ZNF236: variants seen among roughly 807,000 people sequenced by gnomAD.
ZNF236 encodes the protein zinc finger protein 236, also known as regulated by glucose.
ZNF236 carries 50 observed loss-of-function variants against 191.2 expected under a neutral mutation model. That is an observed-to-expected ratio of 0.26 (90% CI 0.21 to 0.33). The LOEUF (loss-of-function observed/expected upper bound fraction) is 0.33, where lower values mean the gene tolerates loss of function less well. ZNF236 is among the 10% of genes least tolerant of loss of function. ZNF236 has a pLI of 1.00. For missense variants in ZNF236, 1,754 were observed against 2,374.5 expected, an observed-to-expected ratio of 0.74 and a Z score of 5.43; for synonymous variants, 907 against 928.8, an observed-to-expected ratio of 0.98 and a Z score of 0.43.
At chr18:76,836,224 T>C (rs1179930965) in intron 1 of ZNF236, among the ~76,000 whole-genome samples, 3 of 151,976 alleles carry the variant, frequency 2.0e-5, no homozygotes, top group African/African-American at 7.3e-5. Flanking sequence ...CTTTATAATT[T>C]TTTTTTCTTT....
intron 9 of ZNF236, chr18:76,885,666 G>C (rs1225870935): frequency 1.7e-5 from 3 of 176,430 alleles, no homozygotes; most frequent in African/African-American, 7.2e-5. Context: ...TCGTAAAATG[G>C]GGATACCTGT....
At chr18:76,892,419 T>C (rs1977274928) in intron 9 of ZNF236, among the ~76,000 whole-genome samples, 1 of 151,922 alleles carries the variant, frequency 6.6e-6, no homozygotes, top group Admixed American at 6.5e-5. Flanking sequence ...AATATATTTT[T>C]CTATTAAGTT....
chr18:76,917,319 G>A (rs1163924878), intron 19 of ZNF236, among the ~76,000 whole-genome samples: 1 of 152,228 alleles, frequency 6.6e-6, no homozygotes, highest in African/African-American at 2.4e-5. Context: ...CATTTGGAGA[G>A]TGTTAATTTA....
At chr18:76,964,017 A>T (rs2122974813) in intron 30 of ZNF236, among the ~76,000 whole-genome samples, 2 of 152,276 alleles carry the variant, frequency 1.3e-5, no homozygotes, top group Admixed American at 1.3e-4. Flanking sequence ...TCAGAGAACC[A>T]GCTTTTTGTT....
chr18:76,927,300 G>C lies in ZNF236; in HGVS notation c.4197G>C (p.Gln1399His). The part of the protein sequence containing the change: ...TLQIDPSILQ[Q>H]TLQQGNLLAQ... ...AGATTGATCCAAGCATTCTGCAGCA[G>C]ACGCTACAGCAGGGCAACCTATTGG... Residue 1399 changes from glutamine to histidine, a missense_variant, in exon 24 of 31, where the codon CAG (glutamine) becomes CAC (histidine). Gln to His is a conservative substitution (Grantham distance 24). Around this residue, in one of 5 missense-constraint regions of ZNF236, gnomAD observed 606 missense variants for 761.5 expected, o/e 0.80. Transcript: ENST00000320610. The surrounding 1 kb of genome is among the most constrained non-coding windows in gnomAD (Gnocchi z 5.4). The C allele has an allele frequency of 1.2e-6, 2 of 1,614,164 alleles. No homozygotes were observed. The highest frequency in any genetic ancestry group is 2.2e-5 in the South Asian group (2 of 91,074).
intron 11 of ZNF236, among the ~76,000 whole-genome samples, chr18:76,902,388 G>A (rs1268942265): frequency 6.6e-6 from 1 of 152,172 alleles, no homozygotes; most frequent in South Asian, 2.1e-4. Flanking sequence ...AAAGTAGAAT[G>A]CTCATTGAGG....
chr18:76,959,250 A>G (rs1453529090), intron 28 of ZNF236, among the ~76,000 whole-genome samples: 1 of 152,222 alleles, frequency 6.6e-6, no homozygotes, highest in African/African-American at 2.4e-5. Context: ...GCAGGGCCTC[A>G]GGCCACAACC....
chr18:76,902,012 G>C (rs1050510576), intron 11 of ZNF236, among the ~76,000 whole-genome samples: 1 of 152,176 alleles, frequency 6.6e-6, no homozygotes, highest in Non-Finnish European at 1.5e-5. Flanking sequence ...TGAATCTTCA[G>C]TTGAGTTAGG....
chr18:76,908,953 ATGTGTGTGTCTGTGTGTGTGTGTGTGTG>A (rs1265477488), intron 14 of ZNF236, among the ~76,000 whole-genome samples: 164 of 117,314 alleles, frequency 1.4e-3, no homozygotes, highest in African/African-American at 5.3e-3. Flanking sequence ...GTGTGTGTGT[ATGTGTGTGTCTGTGTGTGTGTGTGTGTG>A]TGTGTGTGTG....
chr18:76,827,325 A>G (rs1975046738), intron 1 of ZNF236, among the ~76,000 whole-genome samples: 1 of 152,106 alleles, frequency 6.6e-6, no homozygotes, highest in Non-Finnish European at 1.5e-5. Context: ...AGATGGGACT[A>G]CAGGTGCATG....
At chr18:76,882,301 G>A (rs1004854216) in intron 9 of ZNF236, among the ~76,000 whole-genome samples, 17 of 152,292 alleles carry the variant, frequency 1.1e-4, no homozygotes, top group African/African-American at 4.1e-4. Context: ...TGGACTCTGA[G>A]GGGTGCTTTT....
rs568638749 is a variant in ZNF236, at chr18:76,933,686, T to C, written c.4595-3470T>C. Among the ~76,000 whole-genome samples, 232 of 152,370 alleles carry C rather than the reference T, an allele frequency of 1.5e-3. 2 individuals carry two copies. The highest frequency in any genetic ancestry group is 4.4e-3 in the South Asian group (21 of 4,826). ...ATTCTTAAATACAGGCTTAGTTTTA[T>C]GTGATCAAGTAAGTTGTCTTATGTT... On this transcript the variant is annotated intron_variant, in intron 25 of 30. Coordinates refer to ENST00000320610, the MANE Select transcript of ZNF236 (RefSeq NM_001306089.2).
rs759132009 is a variant in ZNF236, at chr18:76,910,857, G to A, written c.2805+46G>A. Reference sequence around the variant, plus strand: ...GCATACATGGCAGTATTTAGCAGGTGCTATGTTATTCTTCACTGTCATTAT... The same window carrying A: ...GCATACATGGCAGTATTTAGCAGGTACTATGTTATTCTTCACTGTCATTAT... On this transcript the variant is annotated intron_variant, in intron 16 of 30. Transcript: ENST00000320610. 6.3e-6 allele frequency: 10 copies of A among 1,595,522 alleles called. 1 individual carries two copies. In the Admixed American group the frequency reaches 1.6e-4, roughly 25 times the overall value.
chr18:76,861,233 T>C (rs1390837955), intron 3 of ZNF236, among the ~76,000 whole-genome samples: 1 of 152,212 alleles, frequency 6.6e-6, no homozygotes, highest in Non-Finnish European at 1.5e-5. Context: ...GGCTGGCGTA[T>C]GTGGTACAGA....
chr18:76,930,571 G>A (rs1427532709), intron 25 of ZNF236, among the ~76,000 whole-genome samples: 1 of 152,212 alleles, frequency 6.6e-6, no homozygotes, highest in African/African-American at 2.4e-5. Flanking sequence ...TAGTAGGAAT[G>A]TATTGCAGGC....
Position 76,960,922 on chromosome 18 carries a change from C to A in ZNF236, c.5419+67C>A. ...TGCGAGGCACCCTGTGTTTCGCATA[C>A]ATTGTTTCCTTTAGTTCACACAGTG... is the stretch of plus-strand genomic sequence containing the variant. On this transcript the variant is annotated intron_variant, in intron 30 of 30. Coordinates refer to ENST00000320610, the MANE Select transcript of ZNF236 (RefSeq NM_001306089.2). The surrounding 1 kb of genome is among the most constrained non-coding windows in gnomAD (Gnocchi z 4.4). 6.7e-7 allele frequency: 1 copy of A among 1,492,490 alleles called. No homozygotes were observed. The highest frequency in any genetic ancestry group is 9.0e-7 in the Non-Finnish European group (1 of 1,113,770). The allele number at this position is 1,492,490 out of a possible 1,614,324, so 92.5% of individuals were successfully genotyped here.
chr18:76,875,419 T>C lies in ZNF236; in HGVS notation c.668-73T>C, dbSNP rs1256415274. ...GAGGGATAGGTTTGGGTAACTTCAG[T>C]GTTGTTCTTTTCAATCCGTAAGATG... On this transcript the variant is annotated intron_variant, in intron 5 of 30. Coordinates refer to ENST00000320610, the MANE Select transcript of ZNF236 (RefSeq NM_001306089.2). This position sits in a 1 kb window ranked among gnomAD's most constrained non-coding sequence, Gnocchi z 4.3. 1 of 1,379,120 alleles carries C rather than the reference T, an allele frequency of 7.3e-7. No individual in the cohort carries two copies. Among genetic ancestry groups the C allele is most frequent in the African/African-American group, 1.5e-5 (1 of 67,930 alleles). The allele number at this position is 1,379,120 out of a possible 1,614,324, so 85.4% of individuals were successfully genotyped here.
intron 16 of ZNF236, 79 bp downstream of exon 16, chr18:76,910,890 T>G: frequency 1.3e-6 from 2 of 1,528,620 alleles, no homozygotes; most frequent in South Asian, 1.2e-5. Context: ...TATTAAAAAT[T>G]TCCTTAAGGG....
chr18:76,927,215 A>C lies in ZNF236; in HGVS notation c.4173+33A>C. 3 of 1,611,808 alleles carry C rather than the reference A, an allele frequency of 1.9e-6. No homozygotes were observed. The highest frequency in any genetic ancestry group is 2.5e-6 in the Non-Finnish European group (3 of 1,178,034). On this transcript the variant is annotated intron_variant, in intron 23 of 30. Coordinates refer to ENST00000320610, the MANE Select transcript of ZNF236 (RefSeq NM_001306089.2). This position sits in a 1 kb window ranked among gnomAD's most constrained non-coding sequence, Gnocchi z 5.4. Reference sequence around the variant, plus strand: ...ACCTTCCATGGTCTCCTGTGCTGTAATTCTCTTGGCATCACAGAGAAGCAT... The same window carrying C: ...ACCTTCCATGGTCTCCTGTGCTGTACTTCTCTTGGCATCACAGAGAAGCAT...
Sources: allele counts gnomAD v4.1 joint callset (sites outside exome capture counted in the v4.1 genomes callset), GRCh38; gene constraint gnomAD v4.1.1; regional missense constraint gnomAD v4.1.1; non-coding constraint Gnocchi (gnomAD v3.1); transcripts MANE v1.5; gene names NCBI Gene and HGNC (gene_info 2026-07-23, HGNC 2026-07-21).